Variants in PROS1 observed in about 807,000 individuals in gnomAD.
The protein encoded by PROS1 is protein S.
PROS1 carries 29 observed loss-of-function variants against 75.9 expected under a neutral mutation model. That is an observed-to-expected ratio of 0.38 (90% CI 0.28 to 0.52). The LOEUF (loss-of-function observed/expected upper bound fraction) is 0.52, where lower values mean the gene tolerates loss of function less well. Ranked by LOEUF, PROS1 falls within the 20% of genes least tolerant of loss-of-function variation. The probability of loss-of-function intolerance (pLI) is 0.83; values close to 1 mark genes in which losing one functional copy is unlikely to be tolerated. For missense variants in PROS1, 680 were observed against 810.3 expected (o/e 0.84, Z 1.95); for synonymous variants, 245 against 280.6 (o/e 0.87, Z 1.27).
chr3:93,972,610 G>T (rs1178554446), intron 1 of PROS1, among the ~76,000 whole-genome samples: 1 of 151,876 alleles, frequency 6.6e-6, no homozygotes, highest in African/African-American at 2.4e-5. Context: ...AGGCCAAGGC[G>T]GATGGATCAC....
chr3:93,951,229 CA>C (rs1709490199), intron 1 of PROS1, among the ~76,000 whole-genome samples: 1 of 152,052 alleles, frequency 6.6e-6, no homozygotes, highest in African/African-American at 2.4e-5. Flanking sequence ...CATTCAAATT[CA>C]GGAAATACAG....
intron 8 of PROS1, among the ~76,000 whole-genome samples, chr3:93,897,526 G>A (rs1447121623): frequency 6.6e-6 from 1 of 151,962 alleles, no homozygotes; most frequent in Non-Finnish European, 1.5e-5. Flanking sequence ...TTACAAAATA[G>A]ATGTTCACAC....
intron 1 of PROS1, among the ~76,000 whole-genome samples, chr3:93,944,834 CA>C (rs1709353156): frequency 6.6e-6 from 1 of 151,600 alleles, no homozygotes; most frequent in Non-Finnish European, 1.5e-5. Flanking sequence ...GATAGAGACA[CA>C]AAAAACCCTT....
At chr3:93,894,406 T>G (rs1324197592) in intron 9 of PROS1, among the ~76,000 whole-genome samples, 2 of 152,186 alleles carry the variant, frequency 1.3e-5, no homozygotes, top group African/African-American at 4.8e-5. Flanking sequence ...GAATAAGGAC[T>G]TCTATGCTCT....
intron 3 of PROS1, among the ~76,000 whole-genome samples, chr3:93,911,693 TG>T (rs1708761711): frequency 6.6e-6 from 1 of 152,222 alleles, no homozygotes; most frequent in Non-Finnish European, 1.5e-5. Flanking sequence ...GTTCTCCACG[TG>T]GGTGTTTCTC....
chr3:93,880,269 C>T (rs1259021417), intron 12 of PROS1, among the ~76,000 whole-genome samples: 2 of 151,970 alleles, frequency 1.3e-5, no homozygotes, highest in African/African-American at 4.8e-5. Flanking sequence ...AATCCTAGCA[C>T]TTTGGAATTG....
At chr3:93,962,968 G>T (rs1709731191) in intron 1 of PROS1, among the ~76,000 whole-genome samples, 1 of 152,224 alleles carries the variant, frequency 6.6e-6, no homozygotes, top group South Asian at 2.1e-4. Flanking sequence ...ACCATAGTAA[G>T]AGAATGCTCT....
chr3:93,960,996 AAC>A (rs1491177751), intron 1 of PROS1, among the ~76,000 whole-genome samples: 1 of 152,158 alleles, frequency 6.6e-6, no homozygotes, highest in Non-Finnish European at 1.5e-5. Context: ...AGAAAAAAAA[AAC>A]ACTTTTCTAA....
intron 1 of PROS1, among the ~76,000 whole-genome samples, chr3:93,942,330 C>T (rs1460371862): frequency 6.6e-6 from 1 of 152,160 alleles, no homozygotes; most frequent in Non-Finnish European, 1.5e-5. Context: ...CACTACCATG[C>T]TGTTATATGG....
At chr3:93,915,007 T>C (rs1200915923) in intron 3 of PROS1, among the ~76,000 whole-genome samples, 2 of 152,192 alleles carry the variant, frequency 1.3e-5, no homozygotes. Context: ...CTTTGGGAAA[T>C]GGTAACTTGG....
chr3:93,948,774 T>C (rs1709445038), intron 1 of PROS1, among the ~76,000 whole-genome samples: 1 of 152,232 alleles, frequency 6.6e-6, no homozygotes, highest in African/African-American at 2.4e-5. Flanking sequence ...CCAGATCTGC[T>C]CACATTTATT....
intron 6 of PROS1, 31 bp downstream of exon 6, chr3:93,905,753 A>T (rs1289239092): frequency 1.2e-6 from 2 of 1,604,238 alleles, no homozygotes; most frequent in Admixed American, 1.7e-5. Flanking sequence ...CACATAGTAA[A>T]TGTGTTTTAA....
intron 1 of PROS1, among the ~76,000 whole-genome samples, chr3:93,956,099 AT>A (rs1709594192): frequency 6.6e-6 from 1 of 152,206 alleles, no homozygotes. Flanking sequence ...TGAAATGAAG[AT>A]TCAGAAGCAC....
intron 1 of PROS1, among the ~76,000 whole-genome samples, chr3:93,937,940 T>A (rs1709212893): frequency 6.6e-6 from 1 of 152,168 alleles, no homozygotes; most frequent in Non-Finnish European, 1.5e-5. Context: ...TCAGAAAGAC[T>A]TTAACACAGC....
At chr3:93,918,485 C>G (rs183717152) in intron 3 of PROS1, among the ~76,000 whole-genome samples, 23 of 152,166 alleles carry the variant, frequency 1.5e-4, no homozygotes, top group African/African-American at 4.8e-4. Context: ...ACACTCACCA[C>G]GAAGGTCCGA....
chr3:93,905,963 G>T, intron 5 of PROS1, 48 bp from the exon 6 acceptor site: 1 of 1,613,484 alleles, frequency 6.2e-7, no homozygotes, highest in Non-Finnish European at 8.5e-7. Flanking sequence ...ATAACCTGCA[G>T]AGAACTTTTC....
chr3:93,894,924 C>T (rs114468629), intron 9 of PROS1, among the ~76,000 whole-genome samples: 2,640 of 152,128 alleles, frequency 0.017, 70 homozygotes, highest in African/African-American at 0.058. Flanking sequence ...CAATTCTGAT[C>T]CCATGTTAGA....
At chr3:93,907,573 T>C (rs1032035935) in intron 4 of PROS1, among the ~76,000 whole-genome samples, 1 of 152,136 alleles carries the variant, frequency 6.6e-6, no homozygotes, top group Non-Finnish European at 1.5e-5. Context: ...ACTGAGGGTC[T>C]CCTCTGAGCT....
chr3:93,911,523 A>T (rs1467571583), intron 3 of PROS1, among the ~76,000 whole-genome samples: 1 of 152,162 alleles, frequency 6.6e-6, no homozygotes, highest in Admixed American at 6.5e-5. Flanking sequence ...TATTTTTCTC[A>T]TGATTTGCGG....
Sources: gnomAD v4.1 joint callset for allele counts (sites outside exome capture counted in the v4.1 genomes callset) on GRCh38, gnomAD v4.1.1 for gene constraint, MANE v1.5 for transcripts, NCBI Gene and HGNC (gene_info 2026-07-23, HGNC 2026-07-21) for gene names.